Variants in AKR7A3 observed in about 807,000 individuals in gnomAD.
AKR7A3 encodes the protein aldo-keto reductase family 7 member A3, also known as AFB1 aldehyde reductase 2.
AKR7A3 carries 37 observed loss-of-function variants against 32.5 expected under a neutral mutation model. The ratio of observed to expected loss-of-function variants is 1.14; its 90% confidence interval spans 0.88 to 1.50. The LOEUF is 1.50. Among genes scored for constraint, AKR7A3 ranks in the 40% most tolerant of loss-of-function variants. The probability of loss-of-function intolerance (pLI) is 0.00; values close to 1 mark genes in which losing one functional copy is unlikely to be tolerated. For missense variants in AKR7A3, 412 were observed against 453.2 expected (o/e 0.91, Z 0.83); for synonymous variants, 177 against 188.4 (o/e 0.94, Z 0.50).
downstream of AKR7A3, among the ~76,000 whole-genome samples, chr1:19,279,120 A>G (rs1483982094): frequency 6.6e-6 from 1 of 151,730 alleles, no homozygotes; most frequent in African/African-American, 2.4e-5. Context: ...CACAGAACCC[A>G]GCTAATTTTC....
chr1:19,278,787 G>A (rs771599927), downstream of AKR7A3, among the ~76,000 whole-genome samples: 8 of 151,714 alleles, frequency 5.3e-5, no homozygotes, highest in South Asian at 1.0e-3. Flanking sequence ...ACCTCCTCCC[G>A]GTCCTAGGCA....
At chr1:19,274,245 C>G in the AKR7A3 span, 1 of 1,306,528 alleles carries the variant, frequency 7.7e-7, no homozygotes, top group Admixed American at 3.7e-5. Context: ...GCGCTGGACT[C>G]CGCTCTCAAC....
rs920108093 is a variant in AKR7A3 at position 19,285,225 on chromosome 1, C to G, written c.508-111G>C. On this transcript the variant is annotated intron_variant, in intron 3 of 6. Transcript: ENST00000361640. ...ACCTTAACAATTCTAGGACTTTAAC[C>G]GTCTGGGCGTATACTTATTCTAACT... The G allele has an allele frequency of 2.9e-6, 3 of 1,019,798 alleles. No individual in the cohort carries two copies. The Admixed American group carries it at 6.4e-5, about 22-fold the overall frequency. 63.2% of individuals were successfully genotyped at this position (1,019,798 alleles called of 1,614,324 possible). A position where few individuals can be genotyped will look rare whatever the true frequency, so the allele number is the denominator to read the frequency against.
Position 19,286,345 on chromosome 1 carries a change from A to G in AKR7A3, c.242T>C (p.Leu81Pro), listed in dbSNP as rs778393096. ...RVKIDTKAIP[L>P]FGNSLKPDSL... ...GTCAGGCTTCAGGGAGTTCCCAAACAGTGGAATGGCCTTGGTATCAATTTT... is the reference window on the plus strand; with the variant it reads ...GTCAGGCTTCAGGGAGTTCCCAAACGGTGGAATGGCCTTGGTATCAATTTT... The change falls in exon 2 of 7, where the codon CTG becomes CCG. Residue 81 changes from leucine to proline, a missense_variant. Leu to Pro is a moderately conservative substitution (Grantham distance 98). Transcript: ENST00000361640. 1.9e-6 allele frequency: 3 copies of G among 1,613,836 alleles called. No individual in the cohort carries two copies. The East Asian group carries it at 6.7e-5, about 36-fold the overall frequency.
intron 2 of AKR7A3, 50 bp downstream of exon 2, chr1:19,286,135 A>T (rs948618099): frequency 5.6e-6 from 9 of 1,603,432 alleles, no homozygotes; most frequent in Non-Finnish European, 7.7e-6. Context: ...TAGGATCAGG[A>T]TAAGGAGAGC....
At chr1:19,286,990 A>G (rs2093731853) in intron 1 of AKR7A3, among the ~76,000 whole-genome samples, 1 of 151,462 alleles carries the variant, frequency 6.6e-6, no homozygotes, top group Non-Finnish European at 1.5e-5. Flanking sequence ...AAAAGGAAAG[A>G]AAAAAAAATC....
At chr1:19,280,061 CG>C (rs1319703789), downstream of AKR7A3, among the ~76,000 whole-genome samples, 1 of 151,774 alleles carries the variant, frequency 6.6e-6, no homozygotes, top group Non-Finnish European at 1.5e-5. Context: ...AGAACATCAT[CG>C]GGTAAATGAT....
At chr1:19,274,250 C>G in the AKR7A3 span, 2 of 1,299,080 alleles carry the variant, frequency 1.5e-6, no homozygotes, top group Non-Finnish European at 2.0e-6. Context: ...GGACTCCGCT[C>G]TCAACCACGA....
downstream of AKR7A3, among the ~76,000 whole-genome samples, chr1:19,281,056 C>T (rs1276140303): frequency 3.3e-5 from 5 of 150,152 alleles, no homozygotes; most frequent in Non-Finnish European, 5.9e-5. Flanking sequence ...TTGTTTTGTT[C>T]GGAGAATGGA....
chr1:19,274,298 G>C, the AKR7A3 span: 1 of 861,490 alleles, frequency 1.2e-6, no homozygotes, highest in East Asian at 3.3e-5. Context: ...CAGCGAAATG[G>C]CTGTGGCTTC....
At chr1:19,288,473 G>A (rs532020975) in intron 1 of AKR7A3, 23 bp downstream of exon 1, 2 of 1,608,762 alleles carry the variant, frequency 1.2e-6, no homozygotes, top group East Asian at 4.5e-5. Flanking sequence ...CCGTGCAGGG[G>A]GAGGATCAGG....
At position 19,282,868 on chromosome 1, in the gene AKR7A3, G is replaced by A. The variant is rs200264295; in HGVS notation, c.859C>T (p.Leu287=). ...LQGAHGDAVI[L]GMSSLEQLEQ... is the part of the protein sequence containing the mutation. ...AGCTGCTCCAGGCTGGACATGCCCA[G>A]GATGACCGCGTCCCCGTGGGCACCC... The change falls in exon 7 of 7, where the codon CTG becomes TTG. Residue 287 remains leucine, a synonymous_variant. Coordinates refer to ENST00000361640, the MANE Select transcript of AKR7A3 (RefSeq NM_012067.3). 1,344 of 1,612,718 alleles carry A rather than the reference G, an allele frequency of 8.3e-4. 2 individuals are homozygous for A. Among genetic ancestry groups the A allele is most frequent in the Non-Finnish European group, 1.0e-3 (1,227 of 1,179,824 alleles).
Position 19,285,130 on chromosome 1 carries a change from C to A in AKR7A3, c.508-16G>T, listed in dbSNP as rs180983135. 3 of 1,613,146 alleles carry A rather than the reference C, an allele frequency of 1.9e-6. No individual in the cohort carries two copies. The highest frequency in any genetic ancestry group is 8.5e-7 in the Non-Finnish European group (1 of 1,179,500). On this transcript the variant is annotated splice_polypyrimidine_tract_variant and intron_variant, in intron 3 of 6. Coordinates refer to ENST00000361640, the MANE Select transcript of AKR7A3 (RefSeq NM_012067.3). ...TGTACATGCCCTGTAAGGAGAGGGG[C>A]CCCGGGGGAGAGGGTGGATGTGTCA...
At chr1:19,284,554 G>A (rs2093725528) in intron 5 of AKR7A3, 132 bp downstream of exon 5, 2 of 1,033,294 alleles carry the variant, frequency 1.9e-6, no homozygotes, top group African/African-American at 1.6e-5. Flanking sequence ...GGAGGGTTTG[G>A]AAATTCCCGA....
At chr1:19,274,844 G>A in the AKR7A3 span, among the ~76,000 whole-genome samples, 1 of 126,846 alleles carries the variant, frequency 7.9e-6, no homozygotes, top group African/African-American at 3.0e-5. Flanking sequence ...AGTGTGCTGT[G>A]ATAGCTCCAC....
chr1:19,274,684 G>A, the AKR7A3 span, among the ~76,000 whole-genome samples: 3 of 151,360 alleles, frequency 2.0e-5, no homozygotes, highest in South Asian at 2.1e-4. Flanking sequence ...GGTGGTTTAC[G>A]CCTGTAATCC....
chr1:19,282,655 C>T lies in AKR7A3; in HGVS notation c.*76G>A. 1.9e-6 allele frequency: 3 copies of T among 1,605,994 alleles called. No homozygotes were observed. Among genetic ancestry groups the T allele is most frequent in the Admixed American group, 3.4e-5 (2 of 58,850 alleles). On this transcript the variant is annotated 3_prime_UTR_variant, in exon 7 of 7. Transcript: ENST00000361640. ...TTCCATCCCTAAGAATTTACTGAGG[C>T]AGTTCTAAATTAAAGAAAATGTGAG...
chr1:19,283,893 G>T, intron 6 of AKR7A3, 103 bp downstream of exon 6: 4 of 1,555,312 alleles, frequency 2.6e-6, no homozygotes, highest in Non-Finnish European at 3.5e-6. Flanking sequence ...GAAAGAAAGA[G>T]AAATTTCAGA....
the AKR7A3 span, among the ~76,000 whole-genome samples, chr1:19,275,049 A>G: frequency 1.3e-5 from 2 of 151,820 alleles, no homozygotes; most frequent in African/African-American, 4.9e-5. Context: ...AATGGATAAA[A>G]AAGCAAAACA....
Sources: gnomAD v4.1 joint callset for allele counts (sites outside exome capture counted in the v4.1 genomes callset) on GRCh38, gnomAD v4.1.1 for gene constraint, MANE v1.5 for transcripts, NCBI Gene and HGNC (gene_info 2026-07-23, HGNC 2026-07-21) for gene names.